TTC34: variants seen among roughly 807,000 people sequenced by gnomAD.
TTC34 encodes tetratricopeptide repeat domain 34.
A neutral mutation model predicts 40.7 loss-of-function variants in TTC34; 44 were observed. That is an observed-to-expected ratio of 1.08 (90% CI 0.85 to 1.39). The LOEUF (loss-of-function observed/expected upper bound fraction) is 1.39. Among genes scored for constraint, TTC34 ranks in the 40% most tolerant of loss-of-function variants. The pLI is 0.00. For synonymous variants in TTC34, 422 were observed against 398.6 expected (o/e 1.06, Z -0.70); for missense variants, 884 against 838.0 (o/e 1.05, Z -0.68).
At chr1:2,752,799 G>C (rs1387725257) in intron 6 of TTC34, among the ~76,000 whole-genome samples, 100 of 59,648 alleles carry the variant, frequency 1.7e-3, no homozygotes, top group Admixed American at 2.6e-3. Flanking sequence ...TGACAGCCTG[G>C]AACAGCTCCC....
intron 6 of TTC34, among the ~76,000 whole-genome samples, chr1:2,683,953 C>A (rs376002609): frequency 3.5e-5 from 1 of 28,794 alleles, no homozygotes; most frequent in African/African-American, 1.2e-4. Flanking sequence ...AGTACCCACA[C>A]CCACAGTTGA....
At chr1:2,655,267 C>A (rs1639303688) in intron 6 of TTC34, among the ~76,000 whole-genome samples, 1 of 62,260 alleles carries the variant, frequency 1.6e-5, no homozygotes, top group South Asian at 5.2e-4. Flanking sequence ...CAGTGAGCAT[C>A]TGACAGCCTG....
intron 2 of TTC34, among the ~76,000 whole-genome samples, chr1:2,793,873 C>T (rs899765542): frequency 3.3e-5 from 5 of 152,090 alleles, no homozygotes; most frequent in Admixed American, 3.3e-4. Flanking sequence ...CCACCTCTTC[C>T]TTCTCCATCT....
intron 6 of TTC34, among the ~76,000 whole-genome samples, chr1:2,684,325 A>G (rs1640218479): frequency 7.2e-6 from 1 of 138,008 alleles, no homozygotes; most frequent in African/African-American, 2.7e-5. Flanking sequence ...CCCCCAAGTG[A>G]GCATCTGATG....
At chr1:2,783,888 G>A in intron 5 of TTC34, 113 bp from the exon 6 acceptor site, 1 of 1,064,508 alleles carries the variant, frequency 9.4e-7, no homozygotes, top group Non-Finnish European at 1.3e-6. Flanking sequence ...GGCCTACCTT[G>A]GGGAGCTCAC....
intron 6 of TTC34, among the ~76,000 whole-genome samples, chr1:2,686,059 C>T (rs1311056578): frequency 3.4e-5 from 4 of 116,512 alleles, no homozygotes; most frequent in Non-Finnish European, 6.9e-5. Flanking sequence ...GAGCATCCGA[C>T]AGCCTGGAGA....
intron 6 of TTC34, among the ~76,000 whole-genome samples, chr1:2,653,683 C>A (rs1570756853): frequency 6.7e-6 from 1 of 150,302 alleles, no homozygotes; most frequent in Non-Finnish European, 1.5e-5. Flanking sequence ...TGGAACAGCA[C>A]CCACACCCCC....
chr1:2,645,587 G>GGGGGGGGGC lies in TTC34; in HGVS notation c.2227-25_2227-24insGCCCCCCCC. 4.4e-6 allele frequency: 1 copy of GGGGGGGGGC among 229,532 alleles called. No individual in the cohort carries two copies. Among genetic ancestry groups the GGGGGGGGGC allele is most frequent in the Non-Finnish European group, 8.6e-6 (1 of 116,454 alleles). The allele number at this position is 229,532 out of a possible 1,614,324, so 14.2% of individuals were successfully genotyped here. ...TCCTGCAAGGAGGGAGGGCGGGCGG[G>GGGGGGGGGC]TGCAGAGTTGTCCTAAGTAGAGAAA... On this transcript the variant is annotated intron_variant, in intron 6 of 8. Coordinates refer to ENST00000401095, the Ensembl canonical transcript of TTC34. The surrounding 1 kb of genome is among the most constrained non-coding windows in gnomAD (Gnocchi z 4.7).
chr1:2,691,697 C>A (rs1231996947), intron 6 of TTC34, among the ~76,000 whole-genome samples: 2 of 92,996 alleles, frequency 2.2e-5, no homozygotes, highest in African/African-American at 3.5e-5. Context: ...TGCAACAGCA[C>A]CCACATCCCC....
chr1:2,645,515 C>G lies in TTC34; in HGVS notation c.2275G>C (p.Val759Leu). 1 of 1,419,022 alleles carries G rather than the reference C, an allele frequency of 7.0e-7. No individual in the cohort carries two copies. Among genetic ancestry groups the G allele is most frequent in the Non-Finnish European group, 9.3e-7 (1 of 1,077,936 alleles). The allele number at this position is 1,419,022 out of a possible 1,614,324, so 87.9% of individuals were successfully genotyped here. A position where few individuals can be genotyped will look rare whatever the true frequency, so the allele number is the denominator to read the frequency against. Residue 759 changes from valine to leucine, a missense_variant, in exon 7 of 9, where the codon GTG (valine) becomes CTG (leucine). Val to Leu is a conservative substitution (Grantham distance 32, BLOSUM62 1). Coordinates refer to ENST00000401095, the Ensembl canonical transcript of TTC34. This position sits in a 1 kb window ranked among gnomAD's most constrained non-coding sequence, Gnocchi z 4.7. ...TTCAGAGAGCGGAGCTCAGGGACCACAGTCCCGGGGCCGAGCTTCAGAGCA... is the reference window on the plus strand; with the variant it reads ...TTCAGAGAGCGGAGCTCAGGGACCAGAGTCCCGGGGCCGAGCTTCAGAGCA...
In TTC34 at chr1:2,800,032, C is replaced by T. The variant is rs1338825060; in HGVS notation, c.784+12G>A. The stretch of plus-strand genomic sequence containing the variant: ...TCACCCTGGCTCTGCAGGGGCCATG[C>T]CGTCCTCCTACCTTGGGGTTCGCTG... On this transcript the variant is annotated intron_variant, in intron 2 of 8. Transcript: ENST00000401095. 42 of 398,296 alleles carry T rather than the reference C, an allele frequency of 1.1e-4. No individual in the cohort carries two copies. Among genetic ancestry groups the T allele is most frequent in the Non-Finnish European group, 2.7e-5 (6 of 226,080 alleles). 24.7% of individuals were successfully genotyped at this position (398,296 alleles called of 1,614,324 possible). A position where few individuals can be genotyped will look rare whatever the true frequency, so the allele number is the denominator to read the frequency against.
intron 6 of TTC34, among the ~76,000 whole-genome samples, chr1:2,683,381 A>T (rs563749150): frequency 6.8e-5 from 9 of 132,434 alleles, no homozygotes. Flanking sequence ...GGCTTGGAAC[A>T]GCACCCACAC....
chr1:2,647,766 A>G (rs1639049693), intron 6 of TTC34, among the ~76,000 whole-genome samples: 1 of 152,192 alleles, frequency 6.6e-6, no homozygotes, highest in African/African-American at 2.4e-5. Flanking sequence ...TACAGGTGTG[A>G]GCCATGATGC....
At chr1:2,688,538 C>G (rs1421892793) in intron 6 of TTC34, among the ~76,000 whole-genome samples, 1 of 136,498 alleles carries the variant, frequency 7.3e-6, no homozygotes, top group Non-Finnish European at 1.5e-5. Context: ...CACCCACAGG[C>G]GAGCACCTGA....
At chr1:2,759,493 CGGG>C in intron 6 of TTC34, among the ~76,000 whole-genome samples, 1 of 129,632 alleles carries the variant, frequency 7.7e-6, no homozygotes, top group Non-Finnish European at 1.6e-5. Flanking sequence ...AGGTGAGCAT[CGGG>C]CAGCCTGGAG....
At chr1:2,775,182 C>G (rs1210801530) in intron 6 of TTC34, 2 of 144,904 alleles carry the variant, frequency 1.4e-5, no homozygotes, top group Non-Finnish European at 3.0e-5. Context: ...AAAACAGCAC[C>G]CTGCAACCCC....
intron 6 of TTC34, chr1:2,775,470 A>AC (rs1485401358): frequency 6.8e-6 from 1 of 146,534 alleles, no homozygotes; most frequent in Non-Finnish European, 1.5e-5. Flanking sequence ...CAGTACCCAC[A>AC]CCCCCAGGTG....
chr1:2,756,826 C>CAA (rs1641522899), intron 6 of TTC34, among the ~76,000 whole-genome samples: 909 of 127,474 alleles, frequency 7.1e-3, no homozygotes, highest in South Asian at 0.01. Context: ...AGAACCCACA[C>CAA]CCCGAGGCGA....
Position 2,641,414 on chromosome 1 carries a change from T to G in TTC34, c.3194A>C (p.Lys1065Thr), listed in dbSNP as rs1364724375. 5.2e-6 allele frequency: 8 copies of G among 1,532,152 alleles called. No homozygotes were observed. The South Asian group carries it at 7.2e-5, about 14-fold the overall frequency. 94.9% of individuals were successfully genotyped at this position (1,532,152 alleles called of 1,614,324 possible). ...GGATGCCTCCCTCCGGATTCTGGCC[T>G]TCAGTCTCTTCAGGCCACGGTGGTC... The change falls in exon 9 of 9, where the codon AAG (lysine) becomes ACG (threonine). Residue 1065 changes from lysine to threonine, a missense_variant. By Grantham distance (78) the Lys-to-Thr change is moderately conservative. Transcript: ENST00000401095.
Sources: gnomAD v4.1 joint callset for allele counts (sites outside exome capture counted in the v4.1 genomes callset) on GRCh38, gnomAD v4.1.1 for gene constraint, Gnocchi (gnomAD v3.1) non-coding constraint, MANE v1.5 for transcripts, NCBI Gene and HGNC (gene_info 2026-07-23, HGNC 2026-07-21) for gene names.